Variants in PCDHA8 observed in about 807,000 individuals in gnomAD.
The protein encoded by PCDHA8 is protocadherin alpha 8.
A neutral mutation model predicts 61.8 loss-of-function variants in PCDHA8; 53 were observed. The observed-to-expected ratio is 0.86, with a 90% CI of 0.69 to 1.08. The LOEUF is 1.08. Among genes scored for constraint, PCDHA8 ranks in the 50% least tolerant of loss-of-function variants. The pLI is 0.00. For synonymous variants in PCDHA8, 618 were observed against 556.6 expected, an observed-to-expected ratio of 1.11 and a Z score of -1.55; for missense variants, 1,293 against 1,245.0, an observed-to-expected ratio of 1.04 and a Z score of -0.58.
At chr5:140,902,647 G>T (rs1286700570) in intron 1 of PCDHA8, among the ~76,000 whole-genome samples, 3 of 150,932 alleles carry the variant, frequency 2.0e-5, no homozygotes, top group African/African-American at 7.3e-5. Context: ...CTGAGATTTT[G>T]GTGCACCTGT....
intron 1 of PCDHA8, among the ~76,000 whole-genome samples, chr5:140,960,167 CTTAAG>C (rs1291277794): frequency 1.3e-5 from 2 of 152,052 alleles, no homozygotes; most frequent in Non-Finnish European, 2.9e-5. Context: ...TAATACAATT[CTTAAG>C]TTAGGGGTTG....
chr5:140,870,932 T>C (rs1428252254), intron 1 of PCDHA8: 1 of 1,613,824 alleles, frequency 6.2e-7, no homozygotes, highest in South Asian at 1.1e-5. Context: ...TCATATGAAT[T>C]GCAGCCGGCG....
Position 140,959,507 on chromosome 5 carries a change from T to C in PCDHA8, c.2395-19442T>C, listed in dbSNP as rs144994756. 4.4e-3 allele frequency among the ~76,000 whole-genome samples: 673 copies of C among 152,282 alleles called. 7 individuals are homozygous for C. Among genetic ancestry groups the C allele is most frequent in the African/African-American group, 0.015 (604 of 41,550 alleles). On this transcript the variant is annotated intron_variant, in intron 1 of 3. Coordinates refer to ENST00000531613, the MANE Select transcript of PCDHA8 (RefSeq NM_018911.3). Reference sequence around the variant, plus strand: ...GTTATATATGGATCAAACTAAAAAATTTTAAGATCTTTAAGACCATTAATT... The same window carrying C: ...GTTATATATGGATCAAACTAAAAAACTTTAAGATCTTTAAGACCATTAATT...
Position 141,000,395 on chromosome 5 carries a change from C to CTA in PCDHA8, c.2543-9206_2543-9205dup, listed in dbSNP as rs1190667031. 1.6e-3 allele frequency among the ~76,000 whole-genome samples: 89 copies of CTA among 53,960 alleles called. 3 individuals carry two copies. Among genetic ancestry groups the CTA allele is most frequent in the Non-Finnish European group, 2.3e-3 (71 of 31,108 alleles). 35.4% of individuals were successfully genotyped at this position (53,960 alleles called of 152,430 possible). A position where few individuals can be genotyped will look rare whatever the true frequency, so the allele number is the denominator to read the frequency against. ...TCTCTCTCTCTCTCTCTCTCTCTCT[C>CTA]TATATATATATATATATATATATAT... On this transcript the variant is annotated intron_variant, in intron 3 of 3. Coordinates refer to ENST00000531613, the MANE Select transcript of PCDHA8 (RefSeq NM_018911.3).
chr5:140,846,537 G>A (rs1780542061), intron 1 of PCDHA8, among the ~76,000 whole-genome samples: 1 of 148,262 alleles, frequency 6.7e-6, no homozygotes, highest in Admixed American at 6.8e-5. Context: ...ACCATGCCCT[G>A]CTAATTTTTT....
chr5:141,010,201 C>G lies in PCDHA8; in HGVS notation c.*264C>G, dbSNP rs782495760. On this transcript the variant is annotated 3_prime_UTR_variant, in exon 4 of 4. Coordinates refer to ENST00000531613, the MANE Select transcript of PCDHA8 (RefSeq NM_018911.3). ...GCAGACCCAAGTTTCCTTTCTCCTC[C>G]GCCGCAAAGGAGAGGCTTCCCAGCC... 9.0e-6 allele frequency: 14 copies of G among 1,551,916 alleles called. No homozygotes were observed. Among genetic ancestry groups the G allele is most frequent in the Non-Finnish European group, 1.0e-5 (12 of 1,147,084 alleles).
intron 1 of PCDHA8, among the ~76,000 whole-genome samples, chr5:140,951,327 C>T (rs782778063): frequency 5.3e-5 from 8 of 152,026 alleles, no homozygotes; most frequent in Non-Finnish European, 8.8e-5. Context: ...TGAGATTCAT[C>T]ATTCTGTTTG....
intron 1 of PCDHA8, among the ~76,000 whole-genome samples, chr5:140,892,029 T>C (rs954107632): frequency 2.0e-4 from 30 of 152,336 alleles, no homozygotes; most frequent in Middle Eastern, 6.8e-3. Context: ...TGGTCTAAGA[T>C]ACTTTTATTT....
chr5:140,867,956 C>T (rs1581824842), intron 1 of PCDHA8: 1 of 151,940 alleles, frequency 6.6e-6, no homozygotes, highest in East Asian at 1.9e-4. Context: ...GCTCCCAAAC[C>T]CAAAATTCTT....
intron 1 of PCDHA8, among the ~76,000 whole-genome samples, chr5:140,945,974 A>C (rs887994156): frequency 6.6e-5 from 10 of 152,146 alleles, no homozygotes; most frequent in African/African-American, 2.2e-4. Flanking sequence ...AATAAAAGCA[A>C]AAATAGACTA....
chr5:140,971,182 G>A (rs1158073557), intron 1 of PCDHA8, among the ~76,000 whole-genome samples: 7 of 152,110 alleles, frequency 4.6e-5, no homozygotes, highest in Admixed American at 1.3e-4. Flanking sequence ...GCTGTAAGCC[G>A]GAAGCTCAGA....
At chr5:140,873,113 C>T (rs2054104761) in intron 1 of PCDHA8, among the ~76,000 whole-genome samples, 1 of 152,114 alleles carries the variant, frequency 6.6e-6, no homozygotes, top group Admixed American at 6.5e-5. Flanking sequence ...TACCATTTGG[C>T]ACAATATTCA....
intron 1 of PCDHA8, chr5:140,857,341 G>C (rs782659858): frequency 1.3e-6 from 2 of 1,598,438 alleles, no homozygotes; most frequent in Non-Finnish European, 1.7e-6. Context: ...ACGGGGGCTC[G>C]CCTCCGCTGT....
intron 3 of PCDHA8, among the ~76,000 whole-genome samples, chr5:141,003,942 G>C (rs1054043476): frequency 2.0e-5 from 3 of 152,148 alleles, no homozygotes; most frequent in Non-Finnish European, 2.9e-5. Flanking sequence ...TTGCCTGAGG[G>C]TGAGCTAGGA....
intron 3 of PCDHA8, among the ~76,000 whole-genome samples, chr5:140,997,109 G>A (rs1293025484): frequency 1.3e-5 from 2 of 152,022 alleles, no homozygotes; most frequent in Non-Finnish European, 2.9e-5. Flanking sequence ...ATGCACTCCT[G>A]CTCTCCCACA....
At chr5:140,879,329 T>A (rs2057946411) in intron 1 of PCDHA8, among the ~76,000 whole-genome samples, 1 of 152,182 alleles carries the variant, frequency 6.6e-6, no homozygotes, top group Non-Finnish European at 1.5e-5. Context: ...ACTTTTTTAG[T>A]TTGTTCAGCT....
At chr5:140,924,906 TA>T (rs1284498744) in intron 1 of PCDHA8, among the ~76,000 whole-genome samples, 1 of 55,776 alleles carries the variant, frequency 1.8e-5, no homozygotes, top group African/African-American at 8.7e-5. Flanking sequence ...AAAAAAAAAA[TA>T]AAATAAAATA....
chr5:140,958,867 T>A (rs1312043891), intron 1 of PCDHA8, among the ~76,000 whole-genome samples: 1 of 152,146 alleles, frequency 6.6e-6, no homozygotes, highest in Admixed American at 6.5e-5. Context: ...ACTGGGTTTA[T>A]AAAAGAATTG....
intron 1 of PCDHA8, chr5:140,861,768 T>TATCA (rs1554155221): frequency 1.3e-5 from 2 of 158,832 alleles, no homozygotes; most frequent in African/African-American, 4.8e-5. Context: ...TCCCTGGAAA[T>TATCA]ACCAAGAGCA....
Sources: gnomAD v4.1 joint callset for allele counts (sites outside exome capture counted in the v4.1 genomes callset) on GRCh38, gnomAD v4.1.1 for gene constraint, MANE v1.5 for transcripts, NCBI Gene and HGNC (gene_info 2026-07-23, HGNC 2026-07-21) for gene names.